Variants in SPEF2 observed in about 807,000 individuals in gnomAD.
The protein encoded by SPEF2 is sperm flagella and cilia-associated protein 2.
SPEF2 carries 187 observed loss-of-function variants against 224.6 expected under a neutral mutation model. That is an observed-to-expected ratio of 0.83 (90% confidence interval 0.74 to 0.94). SPEF2 has a LOEUF of 0.94. Among genes scored for constraint, SPEF2 ranks in the 40% least tolerant of loss-of-function variants. The pLI is 0.00. For missense variants in SPEF2, 2,170 were observed against 2,135.6 expected, an observed-to-expected ratio of 1.02 and a Z score of -0.32; for synonymous variants, 715 against 707.3, an observed-to-expected ratio of 1.01 and a Z score of -0.17.
intron 26 of SPEF2, among the ~76,000 whole-genome samples, chr5:35,764,178 A>T (rs1363792621): frequency 7.2e-5 from 11 of 152,190 alleles, no homozygotes; most frequent in Admixed American, 2.0e-4. Context: ...AAAAATTTTT[A>T]AAAAATATTC....
intron 11 of SPEF2, among the ~76,000 whole-genome samples, chr5:35,692,105 G>A (rs1320288556): frequency 1.3e-5 from 2 of 151,928 alleles, no homozygotes; most frequent in Admixed American, 6.5e-5. Context: ...GCCTTATCAC[G>A]TTTTTTAAAA....
chr5:35,758,698 A>G (rs891639259), intron 24 of SPEF2, among the ~76,000 whole-genome samples: 5 of 152,196 alleles, frequency 3.3e-5, no homozygotes, highest in African/African-American at 1.2e-4. Context: ...AATTGTGGAA[A>G]GAGAACTATT....
intron 19 of SPEF2, chr5:35,709,456 G>A: frequency 9.7e-7 from 1 of 1,031,804 alleles, no homozygotes; most frequent in South Asian, 4.2e-5. Context: ...CTGAACTATA[G>A]AGTTACATTT....
chr5:35,800,340 A>G (rs747544189), intron 34 of SPEF2, among the ~76,000 whole-genome samples, 193 bp downstream of exon 34: 1 of 152,166 alleles, frequency 6.6e-6, no homozygotes, highest in Non-Finnish European at 1.5e-5. Flanking sequence ...ATTGCCATCA[A>G]AGATTTTTGT....
Position 35,700,697 on chromosome 5 carries a change from C to G in SPEF2, c.2343C>G (p.Val781=). 2 of 1,613,916 alleles carry G rather than the reference C, an allele frequency of 1.2e-6. No homozygotes were observed. The highest frequency in any genetic ancestry group is 1.7e-6 in the Non-Finnish European group (2 of 1,179,866). The change falls in exon 16 of 37, where the codon GTC becomes GTG. Residue 781 remains valine, a synonymous_variant. Coordinates refer to ENST00000356031, the MANE Select transcript of SPEF2 (RefSeq NM_024867.4). ...IPLPSPAFDF[V]ILLDVSDTSS... is the part of the protein sequence containing the mutation. ...TTCCCTCTCCTGCATTTGATTTTGT[C>G]ATATTATTAGATGTTTCAGATACTT...
intron 26 of SPEF2, among the ~76,000 whole-genome samples, chr5:35,767,938 T>C (rs1752303141): frequency 6.6e-6 from 1 of 152,040 alleles, no homozygotes; most frequent in Admixed American, 6.6e-5. Flanking sequence ...AACTGTCTCT[T>C]TCCTGAAGTC....
In SPEF2 at chr5:35,687,633, G is replaced by A. The variant is rs148385438; in HGVS notation, c.1525-3404G>A. Among the ~76,000 whole-genome samples, 46 of 152,178 alleles carry A rather than the reference G, an allele frequency of 3.0e-4. No homozygotes were observed. In the East Asian group the frequency reaches 8.9e-3, roughly 29 times the overall value. ...GTCTCCCAAAGTGCTTGGATTACAG[G>A]CGTGAGCCACCGCACCAGGCCCACT... On this transcript the variant is annotated intron_variant, in intron 10 of 36. Coordinates refer to ENST00000356031, the MANE Select transcript of SPEF2 (RefSeq NM_024867.4).
rs774991625 is a variant in SPEF2 at position 35,704,559 on chromosome 5, G to A, written c.2404G>A (p.Glu802Lys). 1 of 1,605,086 alleles carries A rather than the reference G, an allele frequency of 6.2e-7. No individual in the cohort carries two copies. The highest frequency in any genetic ancestry group is 8.5e-7 in the Non-Finnish European group (1 of 1,176,392). ...MSRMNDIIAEELSYKTAHEDI... is the reference protein window; with the variant it reads ...MSRMNDIIAEKLSYKTAHEDI... Reference sequence around the variant, plus strand: ...AAATAAATTTTATACCATAGCTGAAGAATTGTCCTATAAAACTGCTCACGA... The same window carrying A: ...AAATAAATTTTATACCATAGCTGAAAAATTGTCCTATAAAACTGCTCACGA... The change falls in exon 17 of 37, where the codon GAA (glutamate) becomes AAA (lysine). Residue 802 changes from glutamate (E) to lysine (K), a missense_variant. Coordinates refer to ENST00000356031, the MANE Select transcript of SPEF2 (RefSeq NM_024867.4).
At chr5:35,785,734 T>G (rs1399380242) in intron 30 of SPEF2, among the ~76,000 whole-genome samples, 1 of 151,362 alleles carries the variant, frequency 6.6e-6, no homozygotes, top group African/African-American at 2.4e-5. Flanking sequence ...TTTTCTTTTT[T>G]TTTTTTGTAG....
chr5:35,619,570 G>A (rs2112102510), intron 1 of SPEF2, among the ~76,000 whole-genome samples: 1 of 151,936 alleles, frequency 6.6e-6, no homozygotes, highest in East Asian at 1.9e-4. Context: ...CCAGCTACTT[G>A]GGAGGCTGAG....
Position 35,708,971 on chromosome 5 carries a change from G to C in SPEF2, c.2689G>C (p.Glu897Gln). ...AGTTGAGAAGAAATTAGAAGAAAAGGAAGCTGAGAAAAAAGCAGCAGCTTC... is the reference window on the plus strand; with the variant it reads ...AGTTGAGAAGAAATTAGAAGAAAAGCAAGCTGAGAAAAAAGCAGCAGCTTC... Reference protein sequence around the residue: ...NKVEKKLEEKEAEKKAAASLA... With the variant: ...NKVEKKLEEKQAEKKAAASLA... The change falls in exon 19 of 37, where the codon GAA becomes CAA. Residue 897 changes from glutamate to glutamine, a missense_variant. Glu to Gln is a conservative substitution (Grantham distance 29, BLOSUM62 2). Transcript: ENST00000356031. 6.2e-7 allele frequency: 1 copy of C among 1,611,730 alleles called. No homozygotes were observed. Among genetic ancestry groups the C allele is most frequent in the Non-Finnish European group, 8.5e-7 (1 of 1,179,478 alleles).
intron 31 of SPEF2, among the ~76,000 whole-genome samples, 160 bp downstream of exon 31, chr5:35,792,606 CAT>C (rs540752872): frequency 7.2e-4 from 109 of 152,266 alleles, no homozygotes; most frequent in African/African-American, 2.6e-3. Flanking sequence ...CCAATTAAAA[CAT>C]ATAATATGCA....
At chr5:35,632,379 G>C (rs1745261258) in intron 2 of SPEF2, among the ~76,000 whole-genome samples, 1 of 152,050 alleles carries the variant, frequency 6.6e-6, no homozygotes, top group Non-Finnish European at 1.5e-5. Flanking sequence ...AAGTGGGAAG[G>C]GCCCCGCATA....
At chr5:35,799,626 C>T (rs183116349) in intron 33 of SPEF2, among the ~76,000 whole-genome samples, 6 of 152,126 alleles carry the variant, frequency 3.9e-5, no homozygotes, top group Admixed American at 6.5e-5. Flanking sequence ...CTAGTTTGTC[C>T]GGAGAATGCT....
At chr5:35,639,227 C>T (rs1314326767) in intron 2 of SPEF2, among the ~76,000 whole-genome samples, 2 of 152,170 alleles carry the variant, frequency 1.3e-5, no homozygotes, top group African/African-American at 4.8e-5. Flanking sequence ...GACTAACTTT[C>T]TCTCTCACCA....
At chr5:35,807,646 T>A in intron 36 of SPEF2, 1 of 1,535,708 alleles carries the variant, frequency 6.5e-7, no homozygotes, top group Non-Finnish European at 8.7e-7. Flanking sequence ...AAGGTACACA[T>A]CATCTATGTA....
At position 35,807,258 on chromosome 5, in the gene SPEF2, G is replaced by C. The variant is rs779429445; in HGVS notation, c.5379+5G>C. ...TATTCAGACTATAAGTTTCCTGTGA[G>C]TATTACCCCAAAGTGCTCTAATTTG... On this transcript the variant is annotated splice_donor_5th_base_variant and intron_variant, in intron 36 of 36. Transcript: ENST00000356031. The C allele has an allele frequency of 7.0e-5, 112 of 1,609,542 alleles. No homozygotes were observed. Among genetic ancestry groups the C allele is most frequent in the Non-Finnish European group, 9.1e-5 (107 of 1,178,978 alleles).
chr5:35,697,294 T>G (rs895134663), intron 14 of SPEF2, among the ~76,000 whole-genome samples: 1 of 152,104 alleles, frequency 6.6e-6, no homozygotes, highest in Non-Finnish European at 1.5e-5. Flanking sequence ...AGAAAATCTG[T>G]GGAATTTGAC....
At chr5:35,713,392 G>C (rs1741602936) in intron 20 of SPEF2, among the ~76,000 whole-genome samples, 1 of 152,004 alleles carries the variant, frequency 6.6e-6, no homozygotes, top group Non-Finnish European at 1.5e-5. Flanking sequence ...TTTGAGACCT[G>C]TCTACATTTT....
Sources: gnomAD v4.1 joint callset for allele counts (sites outside exome capture counted in the v4.1 genomes callset) on GRCh38, gnomAD v4.1.1 for gene constraint, MANE v1.5 for transcripts, NCBI Gene and HGNC (gene_info 2026-07-23, HGNC 2026-07-21) for gene names.